CACNA1S: variants seen among roughly 807,000 people sequenced by gnomAD.
CACNA1S encodes the protein calcium voltage-gated channel subunit alpha1 S.
CACNA1S carries 126 observed loss-of-function variants against 207.4 expected under a neutral mutation model. The observed-to-expected ratio is 0.61, with a 90% CI of 0.53 to 0.70. The LOEUF is 0.70. Among genes scored for constraint, CACNA1S ranks in the 30% least tolerant of loss-of-function variants. The pLI is 0.00. For missense variants in CACNA1S, 2,349 were observed against 2,422.8 expected (o/e 0.97, Z 0.64); for synonymous variants, 960 against 932.7 (o/e 1.03, Z -0.53).
Position 201,087,899 on chromosome 1 carries a change from AG to A in CACNA1S, c.930del (p.Trp311GlyfsTer23). 5 of 1,613,666 alleles carry A rather than the reference AG, an allele frequency of 3.1e-6. No homozygotes were observed. Among genetic ancestry groups the A allele is most frequent in the Non-Finnish European group, 4.2e-6 (5 of 1,179,652 alleles). On this transcript the variant is annotated frameshift_variant, in exon 7 of 44. Transcript: ENST00000362061. LOFTEE classifies it high-confidence loss of function. Reference sequence around the variant, plus strand: ...AAAATGAGGGTGACAAAATAGATCCAGGGCCACTCATTCCCGATGGCATCAT... The same window carrying A: ...AAAATGAGGGTGACAAAATAGATCCAGGCCACTCATTCCCGATGGCATCAT... ...WVNDAIGNEW[P>X]WIYFVTLILL...
chr1:201,078,181 C>G, intron 10 of CACNA1S, 77 bp from the exon 11 acceptor site: 1 of 1,202,130 alleles, frequency 8.3e-7, no homozygotes, highest in Non-Finnish European at 1.2e-6. Context: ...GTGGCTGGGC[C>G]TCAACCCAGG....
chr1:201,064,123 T>C (rs1661157569), intron 22 of CACNA1S, among the ~76,000 whole-genome samples: 2 of 152,198 alleles, frequency 1.3e-5, no homozygotes, highest in East Asian at 3.9e-4. Context: ...GGGCAGCGGC[T>C]CATTCATTCC....
chr1:201,107,517 TC>T (rs1662938137), intron 2 of CACNA1S, among the ~76,000 whole-genome samples: 1 of 152,186 alleles, frequency 6.6e-6, no homozygotes, highest in African/African-American at 2.4e-5. Flanking sequence ...CACAGTGATA[TC>T]CCCAGTATGT....
chr1:201,074,701 G>C (rs1661544093), intron 13 of CACNA1S, 81 bp from the exon 14 acceptor site: 1 of 855,972 alleles, frequency 1.2e-6, no homozygotes, highest in Admixed American at 2.1e-5. Flanking sequence ...CCTGCATGTG[G>C]GCAGGACCTA....
At chr1:201,046,479 A>C (rs1207696427) in intron 38 of CACNA1S, among the ~76,000 whole-genome samples, 2 of 144,174 alleles carry the variant, frequency 1.4e-5, no homozygotes, top group Non-Finnish European at 3.0e-5. Context: ...CCGCACCTGG[A>C]CCCATACCCA....
intron 33 of CACNA1S, among the ~76,000 whole-genome samples, 190 bp from the exon 34 acceptor site, chr1:201,050,706 T>C (rs559268057): frequency 1.3e-5 from 2 of 152,082 alleles, no homozygotes; most frequent in South Asian, 2.1e-4. Flanking sequence ...GCACAGACAG[T>C]GCTCTCTGGC....
chr1:201,075,935 G>A (rs1172076608), intron 12 of CACNA1S, among the ~76,000 whole-genome samples: 1 of 152,166 alleles, frequency 6.6e-6, no homozygotes, highest in Non-Finnish European at 1.5e-5. Context: ...AGGCATGGTG[G>A]TGGGCACCTG....
chr1:201,092,848 C>T (rs1460129830), intron 3 of CACNA1S, among the ~76,000 whole-genome samples: 2 of 152,224 alleles, frequency 1.3e-5, no homozygotes, highest in African/African-American at 4.8e-5. Context: ...GTAACCAACA[C>T]CATCCTTACG....
chr1:201,091,815 GAAA>G, intron 4 of CACNA1S, 23 bp from the exon 5 acceptor site: 1 of 1,609,292 alleles, frequency 6.2e-7, no homozygotes, highest in Non-Finnish European at 8.5e-7. Context: ...GCAGGGAAGG[GAAA>G]AGAGGAGTCG....
chr1:201,111,925 T>TCCTCCTCTTCCTCCTCCTCCCCCACCCC (rs1663121058), intron 1 of CACNA1S, among the ~76,000 whole-genome samples: 1 of 147,106 alleles, frequency 6.8e-6, no homozygotes, highest in African/African-American at 2.5e-5. Context: ...CTCTTCCTCC[T>TCCTCCTCTTCCTCCTCCTCCCCCACCCC]CCTCCTCTTC....
intron 36 of CACNA1S, among the ~76,000 whole-genome samples, chr1:201,048,344 C>G (rs1660541165): frequency 6.6e-6 from 1 of 152,234 alleles, no homozygotes; most frequent in Non-Finnish European, 1.5e-5. Flanking sequence ...CTCTGGCCCC[C>G]AGACACAGCT....
intron 31 of CACNA1S, 47 bp from the exon 32 acceptor site, chr1:201,052,695 C>G: frequency 6.8e-7 from 1 of 1,472,874 alleles, no homozygotes; most frequent in Non-Finnish European, 9.5e-7. Flanking sequence ...ATTAAAGTGT[C>G]CCCTCAGCTT....
chr1:201,047,655 C>T, intron 36 of CACNA1S, 29 bp from the exon 37 acceptor site: 1 of 1,469,102 alleles, frequency 6.8e-7, no homozygotes, highest in Non-Finnish European at 9.5e-7. Flanking sequence ...AAAAGTTACC[C>T]AGATCACACC....
Position 201,077,402 on chromosome 1 carries a change from T to A in CACNA1S, c.1620-275A>T, listed in dbSNP as rs1016057970. Among the ~76,000 whole-genome samples, 7 of 152,344 alleles carry A rather than the reference T, an allele frequency of 4.6e-5. No individual in the cohort carries two copies. The East Asian group carries it at 1.3e-3, about 29-fold the overall frequency. ...AAACCCCGTGAGAATAAGGACAGCT[T>A]TTCTCCTGTGCACCCTCGATGCCCT... is the stretch of plus-strand genomic sequence containing the variant. On this transcript the variant is annotated intron_variant, in intron 11 of 43. Coordinates refer to ENST00000362061, the MANE Select transcript of CACNA1S (RefSeq NM_000069.3).
At chr1:201,047,486 G>T in intron 37 of CACNA1S, 39 bp downstream of exon 37, 1 of 1,533,626 alleles carries the variant, frequency 6.5e-7, no homozygotes, top group Non-Finnish European at 9.0e-7. Context: ...CCCATTCCTT[G>T]GCTGCTTCTG....
chr1:201,078,669 C>T (rs1661723454), intron 10 of CACNA1S, among the ~76,000 whole-genome samples: 2 of 152,090 alleles, frequency 1.3e-5, no homozygotes, highest in South Asian at 4.2e-4. Flanking sequence ...ATACACCTCC[C>T]TCCTGGTAGA....
intron 7 of CACNA1S, among the ~76,000 whole-genome samples, chr1:201,086,358 T>G (rs929415744): frequency 6.6e-6 from 1 of 152,238 alleles, no homozygotes; most frequent in Non-Finnish European, 1.5e-5. Context: ...AAGAAGCCAG[T>G]TACAGCTAGG....
chr1:201,075,355 C>A (rs578038063), intron 13 of CACNA1S, 140 bp downstream of exon 13: 71 of 903,270 alleles, frequency 7.9e-5, no homozygotes, highest in Non-Finnish European at 9.6e-5. Flanking sequence ...TGTCCTACCC[C>A]CTACCGCATG....
chr1:201,091,611 C>T (rs753017431), intron 5 of CACNA1S, 29 bp downstream of exon 5: 9 of 1,613,950 alleles, frequency 5.6e-6, no homozygotes, highest in Non-Finnish European at 7.6e-6. Flanking sequence ...AGGCCCTGCC[C>T]CACAGCCCCA....
Sources: allele counts gnomAD v4.1 joint callset (sites outside exome capture counted in the v4.1 genomes callset), GRCh38; gene constraint gnomAD v4.1.1; transcripts MANE v1.5; gene names NCBI Gene and HGNC (gene_info 2026-07-23, HGNC 2026-07-21).